Variants in DDX52 observed in about 807,000 individuals in gnomAD.
DDX52 encodes DExD-box helicase 52.
DDX52 carries 59 observed loss-of-function variants against 76.1 expected under a neutral mutation model. The observed-to-expected ratio is 0.78, with a 90% CI of 0.63 to 0.96. The LOEUF (loss-of-function observed/expected upper bound fraction) is 0.96, where lower values mean the gene tolerates loss of function less well. DDX52 is among the 40% of genes least tolerant of loss of function. The pLI is 0.00. For synonymous variants in DDX52, 231 were observed against 244.1 expected, an observed-to-expected ratio of 0.95 and a Z score of 0.50; for missense variants, 707 against 703.9, an observed-to-expected ratio of 1.00 and a Z score of -0.05.
In DDX52 at chr17:37,618,387, G is replaced by C. The variant is rs746097319; in HGVS notation, c.1650-3C>G. ...TAATCATCTTTTTCTTTTGTTTGCT[G>C]AAAGTTACAAAGTAAAAAAGGAAAA... On this transcript the variant is annotated splice_region_variant and splice_polypyrimidine_tract_variant and intron_variant, in intron 13 of 14. Transcript: ENST00000617633. The C allele has an allele frequency of 1.3e-6, 2 of 1,578,186 alleles. No individual in the cohort carries two copies. The highest frequency in any genetic ancestry group is 1.7e-6 in the Non-Finnish European group (2 of 1,168,704).
At chr17:37,632,674 G>A (rs1221579087) in intron 3 of DDX52, among the ~76,000 whole-genome samples, 7 of 152,174 alleles carry the variant, frequency 4.6e-5, no homozygotes, top group South Asian at 2.1e-4. Flanking sequence ...GCCAAAAAGT[G>A]GAGTCTAGTA....
intron 2 of DDX52, chr17:37,639,513 G>T: frequency 1.1e-6 from 1 of 889,020 alleles, no homozygotes. Context: ...CAAGGTGGGT[G>T]AATCACGAGG....
chr17:37,617,783 G>GA (rs2029880493), intron 14 of DDX52, among the ~76,000 whole-genome samples: 1 of 151,970 alleles, frequency 6.6e-6, no homozygotes. Context: ...TTCCAAGACG[G>GA]AAAAAAACAG....
intron 9 of DDX52, among the ~76,000 whole-genome samples, chr17:37,621,892 T>G (rs944390945): frequency 1.3e-5 from 2 of 152,204 alleles, no homozygotes; most frequent in African/African-American, 4.8e-5. Context: ...CTGGGTTTTT[T>G]GGGGTGAAAT....
Position 37,612,744 on chromosome 17 carries a change from TTG to T in DDX52, c.*1550_*1551del, listed in dbSNP as rs2064382400. The T allele has an allele frequency of 6.6e-6, 1 of 152,228 alleles. No individual in the cohort carries two copies. Among genetic ancestry groups the T allele is most frequent in the Non-Finnish European group, 1.5e-5 (1 of 68,044 alleles). 9.4% of individuals were successfully genotyped at this position (152,228 alleles called of 1,614,324 possible). A position where few individuals can be genotyped will look rare whatever the true frequency, so the allele number is the denominator to read the frequency against. On this transcript the variant is annotated 3_prime_UTR_variant, in exon 15 of 15. Coordinates refer to ENST00000617633, the MANE Select transcript of DDX52 (RefSeq NM_007010.5). Reference sequence around the variant, plus strand: ...AAAATCTATGTTTAAGAAATATTTATTGTGAGTTTACTATGTATCAGGTACAG... The same window carrying T: ...AAAATCTATGTTTAAGAAATATTTATTGAGTTTACTATGTATCAGGTACAG...
intron 4 of DDX52, chr17:37,631,145 T>A (rs1053780364): frequency 6.6e-6 from 1 of 152,154 alleles, no homozygotes; most frequent in African/African-American, 2.4e-5. Flanking sequence ...CTGAAGGCCA[T>A]CTCGGTTACA....
chr17:37,630,342 A>G (rs1049041936), intron 4 of DDX52, among the ~76,000 whole-genome samples, 169 bp from the exon 5 acceptor site: 2 of 152,172 alleles, frequency 1.3e-5, no homozygotes, highest in Non-Finnish European at 2.9e-5. Context: ...TGCCACCATC[A>G]CCCCAACAAA....
chr17:37,638,914 C>T (rs373996068), intron 2 of DDX52, among the ~76,000 whole-genome samples: 122 of 151,850 alleles, frequency 8.0e-4, no homozygotes, highest in East Asian at 2.1e-3. Flanking sequence ...GGATTACAGG[C>T]GTGCACCACC....
At chr17:37,636,971 T>G (rs1489067200) in intron 2 of DDX52, among the ~76,000 whole-genome samples, 1 of 152,122 alleles carries the variant, frequency 6.6e-6, no homozygotes, top group Admixed American at 6.6e-5. Flanking sequence ...ACACCACATA[T>G]ATATTTTTTT....
chr17:37,625,979 A>AT lies in DDX52; in HGVS notation c.1051dup (p.Met351AsnfsTer9), dbSNP rs2030350735. On this transcript the variant is annotated frameshift_variant, in exon 8 of 15. Coordinates refer to ENST00000617633, the MANE Select transcript of DDX52 (RefSeq NM_007010.5). LOFTEE classifies it high-confidence loss of function. ...ATCATATGCAAAAGTTGCACTGAAC[A>AT]TAGCTCTTCGGACCTTGTGGGATGT... 1 of 1,614,116 alleles carries AT rather than the reference A, an allele frequency of 6.2e-7. No homozygotes were observed. Among genetic ancestry groups the AT allele is most frequent in the Admixed American group, 1.7e-5 (1 of 60,010 alleles).
chr17:37,625,397 T>C (rs1023547523), intron 8 of DDX52, among the ~76,000 whole-genome samples: 1 of 152,204 alleles, frequency 6.6e-6, no homozygotes, highest in East Asian at 1.9e-4. Flanking sequence ...CACTTTTTCA[T>C]ATAGCTACAG....
At chr17:37,614,845 TTAAC>T (rs1300321448) in intron 14 of DDX52, 2 of 152,918 alleles carry the variant, frequency 1.3e-5, no homozygotes, top group Non-Finnish European at 2.9e-5. Context: ...TTGAATGTCA[TTAAC>T]TAAGTGGTAA....
Position 37,614,369 on chromosome 17 carries a change from T to A in DDX52, c.1743-16A>T. 1 of 1,603,962 alleles carries A rather than the reference T, an allele frequency of 6.2e-7. No individual in the cohort carries two copies. Among genetic ancestry groups the A allele is most frequent in the African/African-American group, 1.3e-5 (1 of 74,358 alleles). Reference sequence around the variant, plus strand: ...GACCTTTTTCCTGTAAAGAGCAAAGTAAGAAAAATTGAATAAAAAATTCTA... The same window carrying A: ...GACCTTTTTCCTGTAAAGAGCAAAGAAAGAAAAATTGAATAAAAAATTCTA... On this transcript the variant is annotated splice_polypyrimidine_tract_variant and intron_variant, in intron 14 of 14. Transcript: ENST00000617633.
chr17:37,643,295 T>G, intron 1 of DDX52, 39 bp downstream of exon 1: 1 of 1,592,410 alleles, frequency 6.3e-7, no homozygotes, highest in Non-Finnish European at 8.6e-7. Flanking sequence ...CTCCTGCTCC[T>G]TCTCAGTTAC....
At chr17:37,630,403 G>C (rs1032158435) in intron 4 of DDX52, among the ~76,000 whole-genome samples, 1 of 152,106 alleles carries the variant, frequency 6.6e-6, no homozygotes, top group African/African-American at 2.4e-5. Flanking sequence ...AAAGAATACG[G>C]GTAACTAAAA....
rs1165590644 is a variant in DDX52 at position 37,612,580 on chromosome 17, CACAATG to C, written c.*1710_*1715del. The C allele has an allele frequency of 1.3e-5, 2 of 152,142 alleles. No individual in the cohort carries two copies. The highest frequency in any genetic ancestry group is 1.3e-4 in the Admixed American group (2 of 15,268). 9.4% of individuals were successfully genotyped at this position (152,142 alleles called of 1,614,324 possible). On this transcript the variant is annotated 3_prime_UTR_variant, in exon 15 of 15. Coordinates refer to ENST00000617633, the MANE Select transcript of DDX52 (RefSeq NM_007010.5). ...GTGGAAGTAAACAACATGATGTTTACACAATGACAATATCACCTAACGATGCATTTC... is the reference window on the plus strand; with the variant it reads ...GTGGAAGTAAACAACATGATGTTTACACAATATCACCTAACGATGCATTTC...
chr17:37,624,636 T>C (rs1473810557), intron 8 of DDX52, among the ~76,000 whole-genome samples: 1 of 152,178 alleles, frequency 6.6e-6, no homozygotes, highest in African/African-American at 2.4e-5. Flanking sequence ...TTTAAAAATA[T>C]CTTGAAATGC....
At chr17:37,628,793 A>G in intron 5 of DDX52, 121 bp from the exon 6 acceptor site, 1 of 697,082 alleles carries the variant, frequency 1.4e-6, no homozygotes, top group Non-Finnish European at 2.3e-6. Context: ...TTAAACTCAT[A>G]ACAATCTGTA....
At chr17:37,643,061 G>A (rs2031274449) in intron 1 of DDX52, 2 of 352,754 alleles carry the variant, frequency 5.7e-6, no homozygotes, top group South Asian at 1.1e-4. Context: ...TTGAAAGGAG[G>A]ATTCCAACTT....
Sources: gnomAD v4.1 joint callset for allele counts (sites outside exome capture counted in the v4.1 genomes callset) on GRCh38, gnomAD v4.1.1 for gene constraint, MANE v1.5 for transcripts, NCBI Gene and HGNC (gene_info 2026-07-23, HGNC 2026-07-21) for gene names.